AHRR: variants seen among roughly 807,000 people sequenced by gnomAD.
AHRR encodes aryl hydrocarbon receptor repressor.
A neutral mutation model predicts 44.0 loss-of-function variants in AHRR; 28 were observed. The ratio of observed to expected loss-of-function variants is 0.64; its 90% CI spans 0.47 to 0.87. The LOEUF (loss-of-function observed/expected upper bound fraction) is 0.87, where lower values mean the gene tolerates loss of function less well. AHRR is among the 40% of genes least tolerant of loss of function. The pLI, the probability that AHRR is intolerant of heterozygous loss-of-function variation, is 0.00. For synonymous variants in AHRR, 434 were observed against 407.0 expected (o/e 1.07, Z -0.80); for missense variants, 990 against 953.9 (o/e 1.04, Z -0.50).
rs917332432 is a variant in AHRR at position 337,022 on chromosome 5, T to C, written c.-10-6871T>C. Among the ~76,000 whole-genome samples, 1 of 152,242 alleles carries C rather than the reference T, an allele frequency of 6.6e-6. No homozygotes were observed. Among genetic ancestry groups the C allele is most frequent in the African/African-American group, 2.4e-5 (1 of 41,466 alleles). On this transcript the variant is annotated intron_variant, in intron 1 of 10. Coordinates refer to ENST00000684583, the MANE Select transcript of AHRR (RefSeq NM_001377236.1). This position sits in a 1 kb window ranked among gnomAD's most constrained non-coding sequence, Gnocchi z 4.1. The stretch of plus-strand genomic sequence containing the variant: ...GCCCTTGTGGAAAATCAATTGGTCA[T>C]TGGTCATAATCAATTAGTATCTCTA...
rs547749639 is a variant in AHRR, at chr5:353,739, C to T, written c.72C>T (p.Ala24=). 58 of 1,609,368 alleles carry T rather than the reference C, an allele frequency of 3.6e-5. No individual in the cohort carries two copies. In the African/African-American group the frequency reaches 6.0e-4, roughly 17 times the overall value. ...GACCATCTCCCCACAGGAGGCCCGC[C>T]GTGGGGGCAGAGAAGTCCAACCCCT... ...RRRPLQKQRP[A]VGAEKSNPSK... is the part of the protein sequence containing the mutation. Residue 24 remains alanine, a synonymous_variant, in exon 3 of 11, where the codon GCC becomes GCT. Transcript: ENST00000684583.
intron 4 of AHRR, among the ~76,000 whole-genome samples, chr5:378,084 G>C (rs1053062551): frequency 6.6e-6 from 1 of 152,234 alleles, no homozygotes; most frequent in African/African-American, 2.4e-5. Context: ...GATTGCATCT[G>C]GTAGGTTGTA....
At position 378,609 on chromosome 5, in the gene AHRR, T is replaced by A. The variant is rs111984274; in HGVS notation, c.351+1893T>A. Among the ~76,000 whole-genome samples, 6 of 152,322 alleles carry A rather than the reference T, an allele frequency of 3.9e-5. 1 individual carries two copies. Among genetic ancestry groups the A allele is most frequent in the African/African-American group, 1.4e-4 (6 of 41,570 alleles). ...AGCCCGTGGCTTCCCCTGGTGCACA[T>A]CTTGGTGCAGGTGCTAAGAGTGGGA... On this transcript the variant is annotated intron_variant, in intron 4 of 10. Transcript: ENST00000684583.
chr5:348,614 C>T (rs1402474926), intron 2 of AHRR, among the ~76,000 whole-genome samples: 3 of 152,192 alleles, frequency 2.0e-5, no homozygotes, highest in Non-Finnish European at 4.4e-5. Context: ...TGGAATCACA[C>T]AGCATTTTGT....
At chr5:347,520 GGGAAGAAAGA>G (rs1742718178) in intron 2 of AHRR, among the ~76,000 whole-genome samples, 6 of 152,290 alleles carry the variant, frequency 3.9e-5, no homozygotes, top group Admixed American at 3.3e-4. Flanking sequence ...TAAGCACTTG[GGGAAGAAAGA>G]GGAAAAAAGA....
rs1242518427 is a variant in AHRR at position 388,919 on chromosome 5, A to G, written c.351+12203A>G. On this transcript the variant is annotated intron_variant, in intron 4 of 10. Coordinates refer to ENST00000684583, the MANE Select transcript of AHRR (RefSeq NM_001377236.1). The surrounding 1 kb of genome is among the most constrained non-coding windows in gnomAD (Gnocchi z 5.2). ...CGGAGGGTTTCCGCCGGTGCCTCGC[A>G]CAGGAGAGAAGATGGAGCCGAGTGA... is the stretch of plus-strand genomic sequence containing the variant. 6.6e-6 allele frequency among the ~76,000 whole-genome samples: 1 copy of G among 152,154 alleles called. No individual in the cohort carries two copies. The highest frequency in any genetic ancestry group is 1.5e-5 in the Non-Finnish European group (1 of 68,008).
At chr5:324,037 GTCTCTCTT>G (rs1741612201) in intron 1 of AHRR, among the ~76,000 whole-genome samples, 1 of 83,942 alleles carries the variant, frequency 1.2e-5, no homozygotes, top group African/African-American at 4.7e-5. Context: ...CTCTCTCTCT[GTCTCTCTT>G]TCTCTCTCTC....
chr5:394,726 G>A (rs1420734065), intron 4 of AHRR, among the ~76,000 whole-genome samples: 2 of 152,190 alleles, frequency 1.3e-5, no homozygotes, highest in African/African-American at 2.4e-5. Context: ...CCCCGTGTGC[G>A]CTGGCTCCGA....
At position 435,527 on chromosome 5, in the gene AHRR, G is replaced by A. The variant is rs1016134248; in HGVS notation, c.*693G>A. ...AGGTGCTCCATGGCGCCATGACAGA[G>A]TCTGAGGCCAGACCTGGACTGGAAT... On this transcript the variant is annotated 3_prime_UTR_variant, in exon 11 of 11. Coordinates refer to ENST00000684583, the MANE Select transcript of AHRR (RefSeq NM_001377236.1). 2.6e-5 allele frequency: 4 copies of A among 152,480 alleles called. No individual in the cohort carries two copies. The highest frequency in any genetic ancestry group is 5.9e-5 in the Non-Finnish European group (4 of 68,140). 9.4% of individuals were successfully genotyped at this position (152,480 alleles called of 1,614,324 possible). A position where few individuals can be genotyped will look rare whatever the true frequency, so the allele number is the denominator to read the frequency against.
chr5:416,393 A>C (rs1735813745), intron 5 of AHRR, among the ~76,000 whole-genome samples: 1 of 152,244 alleles, frequency 6.6e-6, no homozygotes. Context: ...GTGCTGGGAA[A>C]AGCCCTGGTG....
chr5:415,648 C>CCGAGTCTGCCTGGTCGGCT, intron 5 of AHRR, among the ~76,000 whole-genome samples: 1 of 105,292 alleles, frequency 9.5e-6, no homozygotes, highest in African/African-American at 3.4e-5. Flanking sequence ...CCTGGTGGGG[C>CCGAGTCTGCCTGGTCGGCT]GGGAGGCCTA....
Position 345,735 on chromosome 5 carries a change from C to G in AHRR, c.62+1771C>G, listed in dbSNP as rs367697888. ...GAGGTAAGGCCCCTTGGCGCCTGGACGTGTCAAATGCTTGGCCTTAGTGTG... is the reference window on the plus strand; with the variant it reads ...GAGGTAAGGCCCCTTGGCGCCTGGAGGTGTCAAATGCTTGGCCTTAGTGTG... On this transcript the variant is annotated intron_variant, in intron 2 of 10. Transcript: ENST00000684583. Among the ~76,000 whole-genome samples the G allele has an allele frequency of 1.3e-4, 20 of 151,986 alleles. No individual in the cohort carries two copies. The East Asian group carries it at 2.7e-3, about 20-fold the overall frequency.
At chr5:425,939 G>A (rs2126538476) in intron 7 of AHRR, among the ~76,000 whole-genome samples, 1 of 152,298 alleles carries the variant, frequency 6.6e-6, no homozygotes, top group South Asian at 2.1e-4. Flanking sequence ...CGGGTGTCAT[G>A]GAAGCTCCCT....
At chr5:371,747 G>A (rs1743588372) in intron 3 of AHRR, among the ~76,000 whole-genome samples, 1 of 152,206 alleles carries the variant, frequency 6.6e-6, no homozygotes, top group South Asian at 2.1e-4. Flanking sequence ...ATGCTCCCAG[G>A]AGCTGCAGAC....
intron 4 of AHRR, among the ~76,000 whole-genome samples, chr5:400,548 G>A (rs914462756): frequency 2.0e-5 from 3 of 152,068 alleles, no homozygotes; most frequent in Non-Finnish European, 4.4e-5. Flanking sequence ...CATTTTCCAT[G>A]GACCACGTTT....
chr5:399,801 G>A (rs1451469444), intron 4 of AHRR, among the ~76,000 whole-genome samples: 1 of 152,202 alleles, frequency 6.6e-6, no homozygotes, highest in East Asian at 1.9e-4. Context: ...TAGGGCCCCG[G>A]GGCTTCAGTC....
chr5:335,797 G>T (rs1742098838), intron 1 of AHRR, among the ~76,000 whole-genome samples: 2 of 152,228 alleles, frequency 1.3e-5, no homozygotes, highest in Admixed American at 6.5e-5. Flanking sequence ...GGCAGTTTGT[G>T]CCTGGCCCGC....
chr5:390,292 A>G (rs983829272), intron 4 of AHRR, among the ~76,000 whole-genome samples: 2 of 152,172 alleles, frequency 1.3e-5, no homozygotes, highest in Admixed American at 6.5e-5. Flanking sequence ...GCATCAAAAC[A>G]TCTCAGACAC....
At chr5:346,189 GGGAGGAAACATAAATAC>G (rs1330191582) in intron 2 of AHRR, among the ~76,000 whole-genome samples, 1 of 152,186 alleles carries the variant, frequency 6.6e-6, no homozygotes, top group African/African-American at 2.4e-5. Flanking sequence ...CATATATAAA[GGGAGGAAACATAAATAC>G]GGTGCATGCA....
Sources: allele counts gnomAD v4.1 joint callset (sites outside exome capture counted in the v4.1 genomes callset), GRCh38; gene constraint gnomAD v4.1.1; non-coding constraint Gnocchi (gnomAD v3.1); transcripts MANE v1.5; gene names NCBI Gene and HGNC (gene_info 2026-07-23, HGNC 2026-07-21).